Variants in CDC14A observed in about 807,000 individuals in gnomAD.
The protein encoded by CDC14A is dual specificity protein phosphatase CDC14A.
A neutral mutation model predicts 74.4 loss-of-function variants in CDC14A; 53 were observed. The ratio of observed to expected loss-of-function variants is 0.71; its 90% CI spans 0.57 to 0.89. The LOEUF is 0.89. Among genes scored for constraint, CDC14A ranks in the 40% least tolerant of loss-of-function variants. The pLI is 0.00. For synonymous variants in CDC14A, 247 were observed against 258.4 expected (o/e 0.96, Z 0.43); for missense variants, 646 against 713.7 (o/e 0.91, Z 1.08).
intron 8 of CDC14A, among the ~76,000 whole-genome samples, chr1:100,462,039 A>T (rs1276272563): frequency 1.3e-5 from 2 of 152,136 alleles, no homozygotes; most frequent in Non-Finnish European, 2.9e-5. Context: ...ACTCCTTTCT[A>T]ACTGAAATTT....
At chr1:100,472,695 AT>A (rs1668508965) in intron 10 of CDC14A, among the ~76,000 whole-genome samples, 2 of 151,928 alleles carry the variant, frequency 1.3e-5, no homozygotes, top group Non-Finnish European at 2.9e-5. Flanking sequence ...ATAGTTTTAC[AT>A]TCACATTTAA....
intron 10 of CDC14A, among the ~76,000 whole-genome samples, chr1:100,472,871 G>T (rs1668523480): frequency 6.6e-6 from 1 of 151,776 alleles, no homozygotes; most frequent in South Asian, 2.1e-4. Context: ...AAATCATTTG[G>T]ATATATTTGT....
intron 5 of CDC14A, among the ~76,000 whole-genome samples, chr1:100,425,488 C>T (rs561637780): frequency 4.6e-5 from 7 of 152,258 alleles, no homozygotes; most frequent in African/African-American, 1.4e-4. Flanking sequence ...TACATTAAGA[C>T]TAAATCCCTT....
chr1:100,468,869 G>A (rs943183765), intron 10 of CDC14A, among the ~76,000 whole-genome samples: 5 of 151,946 alleles, frequency 3.3e-5, no homozygotes, highest in Non-Finnish European at 5.9e-5. Context: ...ATCTTTTACT[G>A]AAATTTCATT....
intron 11 of CDC14A, among the ~76,000 whole-genome samples, chr1:100,491,518 A>ATC (rs761858427): frequency 0.073 from 1,930 of 26,486 alleles, 151 homozygotes; most frequent in Middle Eastern, 0.21. Flanking sequence ...ATATATCTGC[A>ATC]TCTCTCTCTC....
At chr1:100,370,320 C>G (rs961380791) in intron 2 of CDC14A, among the ~76,000 whole-genome samples, 3 of 151,610 alleles carry the variant, frequency 2.0e-5, no homozygotes, top group Non-Finnish European at 4.4e-5. Flanking sequence ...TGGAGTCTCC[C>G]TTTGTTGCTC....
chr1:100,350,943 A>G (rs1650908678), upstream of CDC14A, among the ~76,000 whole-genome samples: 1 of 152,220 alleles, frequency 6.6e-6, no homozygotes. Flanking sequence ...CTGTAATCCC[A>G]GCGCTGTGGC....
intron 5 of CDC14A, among the ~76,000 whole-genome samples, chr1:100,425,763 T>G (rs775574069): frequency 1.3e-5 from 2 of 152,240 alleles, no homozygotes; most frequent in Non-Finnish European, 2.9e-5. Flanking sequence ...TCCTTCCACT[T>G]CTAATGGCTC....
intron 15 of CDC14A, among the ~76,000 whole-genome samples, chr1:100,501,113 A>G (rs1419833612): frequency 1.3e-5 from 2 of 152,140 alleles, no homozygotes; most frequent in Non-Finnish European, 2.9e-5. Context: ...TCCCACTATA[A>G]AAATTGGGTG....
chr1:100,481,866 C>T (rs963643362), intron 10 of CDC14A, among the ~76,000 whole-genome samples: 3 of 152,136 alleles, frequency 2.0e-5, no homozygotes, highest in African/African-American at 4.8e-5. Context: ...CTTAAAAATA[C>T]ATGTTTTACT....
At chr1:100,381,141 C>T (rs1656039886) in intron 3 of CDC14A, among the ~76,000 whole-genome samples, 1 of 152,208 alleles carries the variant, frequency 6.6e-6, no homozygotes, top group African/African-American at 2.4e-5. Context: ...GGACAACAGA[C>T]ACACAGAGAC....
chr1:100,379,336 A>C (rs534816611), intron 3 of CDC14A, among the ~76,000 whole-genome samples: 2 of 151,968 alleles, frequency 1.3e-5, no homozygotes, highest in Admixed American at 1.3e-4. Flanking sequence ...AAGTTTAAAC[A>C]CTCTCCTTGG....
At position 100,510,860 on chromosome 1, in the gene CDC14A, C is replaced by T. The variant is rs550019120; in HGVS notation, c.1756-7391C>T. On this transcript the variant is annotated intron_variant, in intron 15 of 15. Coordinates refer to ENST00000336454, the MANE Select transcript of CDC14A (RefSeq NM_003672.4). ...CTTTTCTCTTCCCCACCTGGCTGTT[C>T]CAAAACTTTTTAACATTTTTCACCA... 5.3e-5 allele frequency among the ~76,000 whole-genome samples: 8 copies of T among 152,240 alleles called. No individual in the cohort carries two copies. The South Asian group carries it at 1.7e-3, about 32-fold the overall frequency.
chr1:100,513,727 A>G (rs551766515), intron 15 of CDC14A, among the ~76,000 whole-genome samples: 1 of 152,170 alleles, frequency 6.6e-6, no homozygotes, highest in Non-Finnish European at 1.5e-5. Flanking sequence ...TTTAAAAAAG[A>G]AACACCTCCA....
At chr1:100,414,796 A>G (rs1661319430) in intron 4 of CDC14A, among the ~76,000 whole-genome samples, 1 of 152,128 alleles carries the variant, frequency 6.6e-6, no homozygotes, top group Non-Finnish European at 1.5e-5. Flanking sequence ...ACATAACAGT[A>G]TTTTGCTCAG....
chr1:100,384,948 G>T (rs371934735), intron 3 of CDC14A, among the ~76,000 whole-genome samples: 4 of 152,074 alleles, frequency 2.6e-5, no homozygotes, highest in Non-Finnish European at 5.9e-5. Context: ...TGGAACTTCT[G>T]GAATAATGAC....
At position 100,393,122 on chromosome 1, in the gene CDC14A, G is replaced by A. The variant is rs1025582436; in HGVS notation, c.309+2298G>A. ...TCATTTTCTAGTTGAAAAATAGTCC[G>A]TTCAGTCTCATAATTCTTACTACAG... On this transcript the variant is annotated intron_variant, in intron 4 of 15. Coordinates refer to ENST00000336454, the MANE Select transcript of CDC14A (RefSeq NM_003672.4). 7.5e-6 allele frequency: 11 copies of A among 1,465,608 alleles called. 1 individual carries two copies. The highest frequency in any genetic ancestry group is 3.4e-5 in the South Asian group (3 of 87,896). The allele number at this position is 1,465,608 out of a possible 1,614,324, so 90.8% of individuals were successfully genotyped here. A position where few individuals can be genotyped will look rare whatever the true frequency, so the allele number is the denominator to read the frequency against.
intron 15 of CDC14A, among the ~76,000 whole-genome samples, chr1:100,502,309 T>G (rs1320571904): frequency 6.6e-6 from 1 of 152,220 alleles, no homozygotes; most frequent in Non-Finnish European, 1.5e-5. Context: ...TGTACAATTT[T>G]TAAGTCTTTT....
At chr1:100,437,481 C>T (rs1465029832) in intron 5 of CDC14A, among the ~76,000 whole-genome samples, 4 of 152,164 alleles carry the variant, frequency 2.6e-5, no homozygotes, top group African/African-American at 7.2e-5. Context: ...AAAGGCATGC[C>T]GTTTCCTTCT....
Sources: allele counts gnomAD v4.1 joint callset (sites outside exome capture counted in the v4.1 genomes callset), GRCh38; gene constraint gnomAD v4.1.1; transcripts MANE v1.5; gene names NCBI Gene and HGNC (gene_info 2026-07-23, HGNC 2026-07-21).